Variants in MYO3B observed in about 807,000 individuals in gnomAD.
MYO3B encodes myosin-IIIb.
MYO3B carries 156 observed loss-of-function variants against 174.6 expected under a neutral mutation model. The ratio of observed to expected loss-of-function variants is 0.89; its 90% confidence interval spans 0.78 to 1.02. The LOEUF is 1.02. Ranked by LOEUF, MYO3B falls within the 50% of genes least tolerant of loss-of-function variation. MYO3B has a pLI of 0.00. For synonymous variants in MYO3B, 563 were observed against 569.1 expected (o/e 0.99, Z 0.15); for missense variants, 1,632 against 1,639.4 (o/e 1.00, Z 0.08).
At chr2:170,254,248 T>C (rs953070966) in intron 7 of MYO3B, among the ~76,000 whole-genome samples, 3 of 152,128 alleles carry the variant, frequency 2.0e-5, no homozygotes, top group Admixed American at 6.5e-5. Flanking sequence ...AGGAGCTGCC[T>C]GTAGAGTAGA....
At chr2:170,612,283 G>A (rs1287644967) in intron 32 of MYO3B, among the ~76,000 whole-genome samples, 1 of 152,242 alleles carries the variant, frequency 6.6e-6, no homozygotes, top group African/African-American at 2.4e-5. Context: ...TCTGCATTAA[G>A]GGGTTTATGT....
chr2:170,224,177 A>G (rs1382772539), intron 6 of MYO3B, among the ~76,000 whole-genome samples: 1 of 152,218 alleles, frequency 6.6e-6, no homozygotes, highest in Non-Finnish European at 1.5e-5. Context: ...ACCAGGGACT[A>G]TGATAGGGGC....
At chr2:170,200,752 A>T (rs1238978925) in intron 3 of MYO3B, among the ~76,000 whole-genome samples, 1 of 152,140 alleles carries the variant, frequency 6.6e-6, no homozygotes, top group East Asian at 1.9e-4. Flanking sequence ...TTCTTAGCGG[A>T]GGTAGACCTA....
In MYO3B at chr2:170,611,005, G is replaced by T. The variant is rs60804637; in HGVS notation, c.3734-40623G>T. ...AAGTAGTTGCAGATCCATGAGACCA[G>T]AGGAGCCGTTGAGTCTGTTCTTTTC... On this transcript the variant is annotated intron_variant, in intron 32 of 34. Transcript: ENST00000408978. 7.0e-3 allele frequency among the ~76,000 whole-genome samples: 1,063 copies of T among 152,280 alleles called. 12 individuals are homozygous for T. Among genetic ancestry groups the T allele is most frequent in the African/African-American group, 0.025 (1,022 of 41,552 alleles).
intron 9 of MYO3B, among the ~76,000 whole-genome samples, chr2:170,380,370 T>A (rs2094326429): frequency 6.8e-6 from 1 of 146,930 alleles, no homozygotes; most frequent in Non-Finnish European, 1.6e-5. Flanking sequence ...CATTTTTATA[T>A]CCATGACTAT....
chr2:170,559,271 G>A (rs1407306870), intron 32 of MYO3B, among the ~76,000 whole-genome samples: 5 of 152,300 alleles, frequency 3.3e-5, no homozygotes, highest in Non-Finnish European at 7.4e-5. Context: ...GGCCATTTTA[G>A]CTTCTTAAAT....
Position 170,629,837 on chromosome 2 carries a change from G to C in MYO3B, c.3734-21791G>C, listed in dbSNP as rs1012402288. ...TGCACTCCAGCCTGCGCAACAGAGC[G>C]AGACTCTATCTAAAAACAAACAAAC... On this transcript the variant is annotated intron_variant, in intron 32 of 34. Coordinates refer to ENST00000408978, the MANE Select transcript of MYO3B (RefSeq NM_138995.5). Among the ~76,000 whole-genome samples, 6 of 152,176 alleles carry C rather than the reference G, an allele frequency of 3.9e-5. No individual in the cohort carries two copies. The East Asian group carries it at 9.6e-4, about 24-fold the overall frequency.
intron 1 of MYO3B, among the ~76,000 whole-genome samples, chr2:170,186,517 G>C (rs2092465637): frequency 6.6e-6 from 1 of 152,068 alleles, no homozygotes; most frequent in Non-Finnish European, 1.5e-5. Flanking sequence ...TGTTGAATTT[G>C]GTTTGCTAAT....
intron 22 of MYO3B, among the ~76,000 whole-genome samples, chr2:170,440,834 C>A (rs1441716543): frequency 7.6e-6 from 1 of 131,308 alleles, no homozygotes; most frequent in African/African-American, 2.9e-5. Flanking sequence ...GACGGAGTCT[C>A]GCTCTGTCCC....
At chr2:170,379,252 T>C (rs1376267942) in intron 9 of MYO3B, among the ~76,000 whole-genome samples, 2 of 149,904 alleles carry the variant, frequency 1.3e-5, no homozygotes, top group Non-Finnish European at 3.0e-5. Context: ...TGGCATGCAG[T>C]GGCTTGATCT....
At chr2:170,277,951 C>T (rs1022422824) in intron 7 of MYO3B, among the ~76,000 whole-genome samples, 1 of 152,130 alleles carries the variant, frequency 6.6e-6, no homozygotes, top group East Asian at 1.9e-4. Context: ...TATATATCAG[C>T]TTTTAAAAAT....
At chr2:170,235,853 G>A (rs6433185) in intron 6 of MYO3B, 138 bp from the exon 7 acceptor site, 966,602 of 966,904 alleles carry the variant, frequency 1, 483,151 homozygotes, top group East Asian at 1. Flanking sequence ...GGCCTAGAAT[G>A]CACACATCTT....
chr2:170,231,170 G>A (rs1215302425), intron 6 of MYO3B, among the ~76,000 whole-genome samples: 1 of 152,208 alleles, frequency 6.6e-6, no homozygotes, highest in African/African-American at 2.4e-5. Flanking sequence ...CGCAGGAGAG[G>A]GGAGGTGTTC....
At chr2:170,345,078 C>T (rs924397649) in intron 8 of MYO3B, 6 of 152,354 alleles carry the variant, frequency 3.9e-5, no homozygotes, top group Admixed American at 3.3e-4. Context: ...CTTCCAGTCT[C>T]TGCTGCTTCC....
intron 22 of MYO3B, among the ~76,000 whole-genome samples, chr2:170,414,636 C>T (rs2094566755): frequency 6.6e-6 from 1 of 152,164 alleles, no homozygotes; most frequent in Admixed American, 6.5e-5. Context: ...GGGATTTTGA[C>T]TAGAATGGCA....
chr2:170,460,751 T>G (rs1436908562), intron 23 of MYO3B, among the ~76,000 whole-genome samples: 2 of 152,196 alleles, frequency 1.3e-5, no homozygotes, highest in African/African-American at 4.8e-5. Context: ...CTTATAACTT[T>G]TAGAGTGCAA....
At chr2:170,549,923 C>T (rs1690772192) in intron 32 of MYO3B, among the ~76,000 whole-genome samples, 1 of 152,138 alleles carries the variant, frequency 6.6e-6, no homozygotes, top group Admixed American at 6.5e-5. Flanking sequence ...AAGATGTCTC[C>T]CATTTGATAG....
chr2:170,532,473 C>T (rs1689413580), intron 30 of MYO3B, among the ~76,000 whole-genome samples: 1 of 152,060 alleles, frequency 6.6e-6, no homozygotes, highest in African/African-American at 2.4e-5. Flanking sequence ...TAAGAAAATG[C>T]CCTTCCTTTT....
chr2:170,542,120 CAT>C (rs1690152415), intron 30 of MYO3B, among the ~76,000 whole-genome samples: 1 of 152,114 alleles, frequency 6.6e-6, no homozygotes, highest in Non-Finnish European at 1.5e-5. Context: ...ATGTGTGTCA[CAT>C]GTGTGCGTGT....
Sources: gnomAD v4.1 joint callset for allele counts (sites outside exome capture counted in the v4.1 genomes callset) on GRCh38, gnomAD v4.1.1 for gene constraint, MANE v1.5 for transcripts, NCBI Gene and HGNC (gene_info 2026-07-23, HGNC 2026-07-21) for gene names.